Variants in BATF3 observed in about 807,000 individuals in gnomAD.
BATF3 encodes the protein basic leucine zipper transcriptional factor ATF-like 3.
BATF3 carries 8 observed loss-of-function variants against 16.1 expected under a neutral mutation model. The observed-to-expected ratio is 0.50, with a 90% CI of 0.29 to 0.90. The LOEUF (loss-of-function observed/expected upper bound fraction) is 0.90. BATF3 is among the 40% of genes least tolerant of loss of function. The pLI is 0.08. For missense variants in BATF3, 139 were observed against 167.0 expected (o/e 0.83, Z 0.92); for synonymous variants, 74 against 72.7 (o/e 1.02, Z -0.09).
rs769811987 is a variant in BATF3 at position 212,686,628 on chromosome 1, C to T, written c.*163G>A. The T allele has an allele frequency of 3.2e-5, 39 of 1,229,026 alleles. No homozygotes were observed. The East Asian group carries it at 3.3e-4, about 11-fold the overall frequency. 76.1% of individuals were successfully genotyped at this position (1,229,026 alleles called of 1,614,324 possible). A position where few individuals can be genotyped will look rare whatever the true frequency, so the allele number is the denominator to read the frequency against. ...TGTGAGTTTGGCGCCTGTTGGATGT[C>T]GGGCTGAGCCCAGTCTGCAGGGAAC... On this transcript the variant is annotated 3_prime_UTR_variant, in exon 3 of 3. Coordinates refer to ENST00000243440, the MANE Select transcript of BATF3 (RefSeq NM_018664.3).
Position 212,699,323 on chromosome 1 carries a change from G to A in BATF3, c.90+350C>T, listed in dbSNP as rs1334966859. Among the ~76,000 whole-genome samples the A allele has an allele frequency of 6.6e-6, 1 of 152,126 alleles. No homozygotes were observed. Among genetic ancestry groups the A allele is most frequent in the Non-Finnish European group, 1.5e-5 (1 of 67,996 alleles). On this transcript the variant is annotated intron_variant, in intron 1 of 2. Coordinates refer to ENST00000243440, the MANE Select transcript of BATF3 (RefSeq NM_018664.3). This position sits in a 1 kb window ranked among gnomAD's most constrained non-coding sequence, Gnocchi z 4.4. Reference sequence around the variant, plus strand: ...GGTGGTGGGGTGGCAGTCGCTGGCTGCGCCAGGATGGGGCGGCCCTCAGGG... The same window carrying A: ...GGTGGTGGGGTGGCAGTCGCTGGCTACGCCAGGATGGGGCGGCCCTCAGGG...
In BATF3 at chr1:212,686,749, A is replaced by T. The variant is rs1656858500; in HGVS notation, c.*42T>A. 1.9e-6 allele frequency: 3 copies of T among 1,581,772 alleles called. No homozygotes were observed. In the South Asian group the frequency reaches 3.3e-5, roughly 18 times the overall value. ...GAAAAGCCTTCCTCCCAGGTATGAA[A>T]ATGACCAAGGCTCCTTGCTGGGCAG... On this transcript the variant is annotated 3_prime_UTR_variant, in exon 3 of 3. Coordinates refer to ENST00000243440, the MANE Select transcript of BATF3 (RefSeq NM_018664.3).
intron 2 of BATF3, among the ~76,000 whole-genome samples, chr1:212,693,971 G>A (rs1275649611): frequency 6.6e-6 from 1 of 152,210 alleles, no homozygotes; most frequent in Non-Finnish European, 1.5e-5. Context: ...AGAAGCGTGA[G>A]ATGGGGAGAC....
At chr1:212,698,221 T>C (rs1030935101) in intron 1 of BATF3, 4 of 152,172 alleles carry the variant, frequency 2.6e-5, no homozygotes, top group African/African-American at 9.7e-5. Flanking sequence ...AACCAGAACA[T>C]TACAGGGGAA....
rs1657201844 is a variant in BATF3 at position 212,699,219 on chromosome 1, G to C, written c.90+454C>G. On this transcript the variant is annotated intron_variant, in intron 1 of 2. Transcript: ENST00000243440. This position sits in a 1 kb window ranked among gnomAD's most constrained non-coding sequence, Gnocchi z 4.4. ...GCCCTTTGTGGGTTCCCTCCGCCCAGGCTGACTAGTCCGGCGTTCTCCATT... is the reference window on the plus strand; with the variant it reads ...GCCCTTTGTGGGTTCCCTCCGCCCACGCTGACTAGTCCGGCGTTCTCCATT... Among the ~76,000 whole-genome samples, 1 of 152,194 alleles carries C rather than the reference G, an allele frequency of 6.6e-6. No homozygotes were observed. The highest frequency in any genetic ancestry group is 2.1e-4 in the South Asian group (1 of 4,828).
At chr1:212,692,335 A>C (rs1286421882) in intron 2 of BATF3, among the ~76,000 whole-genome samples, 1 of 152,192 alleles carries the variant, frequency 6.6e-6, no homozygotes, top group African/African-American at 2.4e-5. Context: ...GAGCAAGGAT[A>C]ATATGCAAAT....
intron 2 of BATF3, among the ~76,000 whole-genome samples, chr1:212,692,303 T>G (rs1657017617): frequency 6.6e-6 from 1 of 152,156 alleles, no homozygotes; most frequent in South Asian, 2.1e-4. Context: ...ATTGGAATGA[T>G]ACAGGGATTA....
Position 212,699,649 on chromosome 1 carries a change from C to A in BATF3, c.90+24G>T, listed in dbSNP as rs769327486. ...GCGCCGGTCCCCGCACCCCACGGCCCTCCCTGAGCCTCTCGCCCTCTACCT... is the reference window on the plus strand; with the variant it reads ...GCGCCGGTCCCCGCACCCCACGGCCATCCCTGAGCCTCTCGCCCTCTACCT... On this transcript the variant is annotated intron_variant, in intron 1 of 2. Coordinates refer to ENST00000243440, the MANE Select transcript of BATF3 (RefSeq NM_018664.3). This position sits in a 1 kb window ranked among gnomAD's most constrained non-coding sequence, Gnocchi z 4.4. 2.6e-5 allele frequency: 34 copies of A among 1,297,404 alleles called. No individual in the cohort carries two copies. Among genetic ancestry groups the A allele is most frequent in the Non-Finnish European group, 3.0e-5 (31 of 1,022,044 alleles). The allele number at this position is 1,297,404 out of a possible 1,614,324, so 80.4% of individuals were successfully genotyped here. A position where few individuals can be genotyped will look rare whatever the true frequency, so the allele number is the denominator to read the frequency against.
Position 212,686,938 on chromosome 1 carries a change from T to C in BATF3, c.237A>G (p.Arg79=). The C allele has an allele frequency of 6.2e-7, 1 of 1,613,360 alleles. No individual in the cohort carries two copies. The highest frequency in any genetic ancestry group is 1.1e-5 in the South Asian group (1 of 91,054). The part of the protein sequence containing the change: ...SLEQENTMLR[R]EIGKLTEELK... ...GCTCCTCTGTCAGCTTCCCGATCTC[T>C]CTCCGCAGCATGGTGTTTTCTTGCT... The change falls in exon 3 of 3, where the codon AGA becomes AGG. Residue 79 remains arginine, a synonymous_variant. Transcript: ENST00000243440.
chr1:212,688,502 G>A (rs2102400292), intron 2 of BATF3, among the ~76,000 whole-genome samples: 1 of 152,316 alleles, frequency 6.6e-6, no homozygotes, highest in South Asian at 2.1e-4. Context: ...TGGGGCTTAA[G>A]GGTAGGATTT....
chr1:212,697,337 C>T (rs974445722), intron 1 of BATF3: 4 of 307,538 alleles, frequency 1.3e-5, no homozygotes, highest in Non-Finnish European at 1.8e-5. Flanking sequence ...ATTACAGCCA[C>T]TAAGTGGGTG....
chr1:212,695,826 T>C (rs149714631), intron 2 of BATF3, among the ~76,000 whole-genome samples: 1 of 152,300 alleles, frequency 6.6e-6, no homozygotes, highest in Non-Finnish European at 1.5e-5. Flanking sequence ...TGCAGGTGTA[T>C]GCATGAGGGC....
rs1343598831 is a variant in BATF3 at position 212,689,705 on chromosome 1, ACACT to A, written c.196-2730_196-2727del. ...AGCACACACACACGTCTGCAAACAC[ACACT>A]CACACACTCTCATACACATTCACAC... On this transcript the variant is annotated intron_variant, in intron 2 of 2. Coordinates refer to ENST00000243440, the MANE Select transcript of BATF3 (RefSeq NM_018664.3). The surrounding 1 kb of genome is among the most constrained non-coding windows in gnomAD (Gnocchi z 4.6). Among the ~76,000 whole-genome samples the A allele has an allele frequency of 5.9e-5, 9 of 152,038 alleles. No individual in the cohort carries two copies. Among genetic ancestry groups the A allele is most frequent in the Non-Finnish European group, 8.8e-5 (6 of 67,956 alleles).
rs1194343689 is a variant in BATF3 at position 212,686,893 on chromosome 1, T to C, written c.282A>G (p.Ala94=). 2.5e-6 allele frequency: 4 copies of C among 1,614,088 alleles called. No homozygotes were observed. Among genetic ancestry groups the C allele is most frequent in the Admixed American group, 1.7e-5 (1 of 60,010 alleles). ...LTEELKHLTE[A]LKEHEKMCPL... ...GGCACATCTTCTCGTGCTCCTTCAG[T>C]GCCTCTGTCAGGTGCTTCAGCTCCT... is the stretch of plus-strand genomic sequence containing the variant. The change falls in exon 3 of 3, where the codon GCA becomes GCG. Residue 94 remains alanine, a synonymous_variant. Coordinates refer to ENST00000243440, the MANE Select transcript of BATF3 (RefSeq NM_018664.3).
At chr1:212,691,145 G>A (rs758620515) in intron 2 of BATF3, among the ~76,000 whole-genome samples, 7 of 152,240 alleles carry the variant, frequency 4.6e-5, no homozygotes, top group East Asian at 1.9e-4. Context: ...CTAGGGATAC[G>A]CAGGGTCCAG....
At chr1:212,698,027 C>T (rs559833094) in intron 1 of BATF3, 2 of 152,340 alleles carry the variant, frequency 1.3e-5, no homozygotes, top group South Asian at 4.1e-4. Flanking sequence ...CATTTGATCT[C>T]ATCTTGTATT....
rs1657078747 is a variant in BATF3, at chr1:212,694,441, G to A, written c.195+2520C>T. ...CCTCTCTTTGTGACCCAATGGCAATGCCTTGGTATTTGTGAAATGGATCTA... is the reference window on the plus strand; with the variant it reads ...CCTCTCTTTGTGACCCAATGGCAATACCTTGGTATTTGTGAAATGGATCTA... On this transcript the variant is annotated intron_variant, in intron 2 of 2. Transcript: ENST00000243440. Among the ~76,000 whole-genome samples the A allele has an allele frequency of 3.3e-5, 5 of 152,136 alleles. No individual in the cohort carries two copies. The South Asian group carries it at 1.0e-3, about 32-fold the overall frequency.
chr1:212,697,070 G>A lies in BATF3; in HGVS notation c.91-5C>T. 11 of 1,612,236 alleles carry A rather than the reference G, an allele frequency of 6.8e-6. No homozygotes were observed. The highest frequency in any genetic ancestry group is 8.5e-6 in the Non-Finnish European group (10 of 1,178,426). The stretch of plus-strand genomic sequence containing the variant: ...CCTGTCATCATCCTCAGGGCTCTGG[G>A]GAAAAACACTGGGTGGGTGTGATGT... On this transcript the variant is annotated splice_polypyrimidine_tract_variant and splice_region_variant and intron_variant, in intron 1 of 2. Transcript: ENST00000243440.
chr1:212,698,557 C>T (rs963608480), intron 1 of BATF3: 1 of 151,976 alleles, frequency 6.6e-6, no homozygotes, highest in Non-Finnish European at 1.5e-5. Flanking sequence ...AGTATGCCCT[C>T]AAGAAGTTAC....
Sources: gnomAD v4.1 joint callset for allele counts (sites outside exome capture counted in the v4.1 genomes callset) on GRCh38, gnomAD v4.1.1 for gene constraint, Gnocchi (gnomAD v3.1) non-coding constraint, MANE v1.5 for transcripts, NCBI Gene and HGNC (gene_info 2026-07-23, HGNC 2026-07-21) for gene names.